PRRX2: variants seen among roughly 807,000 people sequenced by gnomAD.
The protein encoded by PRRX2 is paired mesoderm homeobox protein 2.
In PRRX2, 11 loss-of-function variants were observed where a neutral mutation model predicts 18.0. The ratio of observed to expected loss-of-function variants is 0.61; its 90% CI spans 0.39 to 1.01. The LOEUF is 1.01. Among genes scored for constraint, PRRX2 ranks in the 50% least tolerant of loss-of-function variants. PRRX2 has a pLI of 0.01. For synonymous variants in PRRX2, 177 were observed against 154.8 expected (o/e 1.14, Z -1.06); for missense variants, 387 against 351.0 (o/e 1.10, Z -0.82).
chr9:129,718,764 TATTA>T (rs1832747818), intron 1 of PRRX2: 1 of 153,248 alleles, frequency 6.5e-6, no homozygotes, highest in South Asian at 2.1e-4. Context: ...CTTTATGACA[TATTA>T]ATTATTATTA....
chr9:129,722,095 G>A (rs1832800039), intron 3 of PRRX2, 122 bp from the exon 4 acceptor site: 5 of 1,398,558 alleles, frequency 3.6e-6, no homozygotes, highest in Non-Finnish European at 4.8e-6. Flanking sequence ...CCCCAGTCCT[G>A]GGTGAAGGCT....
At chr9:129,692,633 T>C (rs995273153) in intron 1 of PRRX2, among the ~76,000 whole-genome samples, 2 of 152,234 alleles carry the variant, frequency 1.3e-5, no homozygotes, top group Admixed American at 1.3e-4. Flanking sequence ...CAGAACGTCA[T>C]GTGGTTGGAA....
In PRRX2 at chr9:129,709,906, A is replaced by G. The variant is rs1374886412; in HGVS notation, c.260-9325A>G. 6.6e-6 allele frequency among the ~76,000 whole-genome samples: 1 copy of G among 151,904 alleles called. No individual in the cohort carries two copies. The highest frequency in any genetic ancestry group is 1.5e-5 in the Non-Finnish European group (1 of 67,986). The stretch of plus-strand genomic sequence containing the variant: ...CCTTCCCATGCCTCCCCTTCACTCA[A>G]CACTCAGCACTCAACACAGATTGAT... On this transcript the variant is annotated intron_variant, in intron 1 of 3. Transcript: ENST00000372469. This position sits in a 1 kb window ranked among gnomAD's most constrained non-coding sequence, Gnocchi z 4.2.
intron 1 of PRRX2, among the ~76,000 whole-genome samples, chr9:129,704,746 G>A (rs1261228284): frequency 2.0e-5 from 3 of 152,158 alleles, no homozygotes; most frequent in South Asian, 2.1e-4. Flanking sequence ...TCCTCGAGAC[G>A]ACAAGAATGA....
rs755148148 is a variant in PRRX2, at chr9:129,720,558, C to G, written c.448-38C>G. 12 of 1,552,298 alleles carry G rather than the reference C, an allele frequency of 7.7e-6. No individual in the cohort carries two copies. The South Asian group carries it at 1.1e-4, about 14-fold the overall frequency. Reference sequence around the variant, plus strand: ...AGGTCCAGAAGGACTTGGGTCCCCCCTGCCCATGCTGCACCCTGCTCACCC... The same window carrying G: ...AGGTCCAGAAGGACTTGGGTCCCCCGTGCCCATGCTGCACCCTGCTCACCC... On this transcript the variant is annotated intron_variant, in intron 2 of 3. Coordinates refer to ENST00000372469, the MANE Select transcript of PRRX2 (RefSeq NM_016307.4).
At chr9:129,720,811 G>A (rs1414099676) in intron 3 of PRRX2, 37 bp downstream of exon 3, 2 of 1,500,312 alleles carry the variant, frequency 1.3e-6, no homozygotes, top group African/African-American at 1.4e-5. Context: ...GGAAGGGGCA[G>A]CTCGAGGAAT....
intron 1 of PRRX2, among the ~76,000 whole-genome samples, chr9:129,717,695 C>CAAAAAAAAAAA (rs568330077): frequency 1.2e-5 from 1 of 82,522 alleles, no homozygotes; most frequent in Admixed American, 1.5e-4. Flanking sequence ...GACTCCGCCT[C>CAAAAAAAAAAA]AAAAAAAAAA....
Position 129,709,853 on chromosome 9 carries a change from G to A in PRRX2, c.260-9378G>A, listed in dbSNP as rs750661346. Among the ~76,000 whole-genome samples the A allele has an allele frequency of 2.0e-5, 3 of 150,848 alleles. No individual in the cohort carries two copies. Among genetic ancestry groups the A allele is most frequent in the Non-Finnish European group, 4.4e-5 (3 of 67,756 alleles). ...GGGAGGAACCTAGACCCCTGCACAG[G>A]AGGGCGGGCTCTGCAGGCTCACCCG... On this transcript the variant is annotated intron_variant, in intron 1 of 3. Transcript: ENST00000372469. The surrounding 1 kb of genome is among the most constrained non-coding windows in gnomAD (Gnocchi z 4.2).
In PRRX2 at chr9:129,722,599, A is replaced by T. The variant is rs1291510926; in HGVS notation, c.*247A>T. The T allele has an allele frequency of 2.6e-6, 1 of 389,422 alleles. No individual in the cohort carries two copies. The highest frequency in any genetic ancestry group is 2.1e-5 in the African/African-American group (1 of 48,418). 24.1% of individuals were successfully genotyped at this position (389,422 alleles called of 1,614,324 possible). A position where few individuals can be genotyped will look rare whatever the true frequency, so the allele number is the denominator to read the frequency against. Reference sequence around the variant, plus strand: ...CGGAAGGTGGAAGAGCCTGCCAAGGACCTCATTTAGTTTGTGTATTAAAAC... The same window carrying T: ...CGGAAGGTGGAAGAGCCTGCCAAGGTCCTCATTTAGTTTGTGTATTAAAAC... On this transcript the variant is annotated 3_prime_UTR_variant, in exon 4 of 4. Transcript: ENST00000372469.
At chr9:129,681,681 G>A (rs139556997) in intron 1 of PRRX2, among the ~76,000 whole-genome samples, 611 of 142,034 alleles carry the variant, frequency 4.3e-3, no homozygotes, top group African/African-American at 5.1e-3. Context: ...CCCTAAACCC[G>A]CCCTCCCTCC....
intron 1 of PRRX2, among the ~76,000 whole-genome samples, chr9:129,668,523 ACC>A (rs1220228649): frequency 1.3e-5 from 2 of 152,020 alleles, no homozygotes; most frequent in Non-Finnish European, 2.9e-5. Flanking sequence ...CACACCTGTA[ACC>A]CCAGTGCTTT....
chr9:129,697,383 G>GGGC (rs955203784), intron 1 of PRRX2, among the ~76,000 whole-genome samples: 2 of 151,862 alleles, frequency 1.3e-5, no homozygotes, highest in Non-Finnish European at 2.9e-5. Context: ...CGGAGCAGCT[G>GGGC]GGCGGCGGCG....
intron 1 of PRRX2, chr9:129,713,138 C>T (rs926116034): frequency 1.3e-5 from 2 of 152,276 alleles, no homozygotes; most frequent in Non-Finnish European, 2.9e-5. Context: ...GTCCTCCTCC[C>T]CGTCCGCGTT....
chr9:129,702,023 C>CCCGGGAGGCAGAGGCTG (rs1296610462), intron 1 of PRRX2, among the ~76,000 whole-genome samples: 1 of 152,064 alleles, frequency 6.6e-6, no homozygotes, highest in Admixed American at 6.6e-5. Context: ...ATCGCTTGAA[C>CCCGGGAGGCAGAGGCTG]CCGGGAGGCA....
intron 1 of PRRX2, among the ~76,000 whole-genome samples, chr9:129,678,582 G>A (rs1398471519): frequency 6.6e-6 from 1 of 152,144 alleles, no homozygotes; most frequent in Non-Finnish European, 1.5e-5. Context: ...GGTCAGGGAG[G>A]GCACGCCGGG....
chr9:129,698,504 C>G (rs1832457588), intron 1 of PRRX2, among the ~76,000 whole-genome samples: 1 of 152,116 alleles, frequency 6.6e-6, no homozygotes, highest in Admixed American at 6.5e-5. Context: ...GCGGGTTTTT[C>G]CCGCCACGCC....
rs1461408454 is a variant in PRRX2 at position 129,671,085 on chromosome 9, G to C, written c.259+4959G>C. Reference sequence around the variant, plus strand: ...GTTGGGAGGCCCTCCCGACTGAGATGATTTGACTCAGGCTTAGGAACCCCA... The same window carrying C: ...GTTGGGAGGCCCTCCCGACTGAGATCATTTGACTCAGGCTTAGGAACCCCA... On this transcript the variant is annotated intron_variant, in intron 1 of 3. Coordinates refer to ENST00000372469, the MANE Select transcript of PRRX2 (RefSeq NM_016307.4). The surrounding 1 kb of genome is among the most constrained non-coding windows in gnomAD (Gnocchi z 4.0). Among the ~76,000 whole-genome samples the C allele has an allele frequency of 6.6e-6, 1 of 152,218 alleles. No homozygotes were observed. The highest frequency in any genetic ancestry group is 1.5e-5 in the Non-Finnish European group (1 of 68,038).
intron 1 of PRRX2, among the ~76,000 whole-genome samples, chr9:129,696,176 A>G (rs1422233892): frequency 6.6e-6 from 1 of 152,186 alleles, no homozygotes; most frequent in Admixed American, 6.5e-5. Context: ...TAAGACTCAG[A>G]TGTATTATCA....
At chr9:129,719,039 G>A (rs1588177418) in intron 1 of PRRX2, among the ~76,000 whole-genome samples, 192 bp from the exon 2 acceptor site, 1 of 152,224 alleles carries the variant, frequency 6.6e-6, no homozygotes, top group Non-Finnish European at 1.5e-5. Context: ...CCACACAGGT[G>A]CTCAGTAAAT....
Sources: gnomAD v4.1 joint callset for allele counts (sites outside exome capture counted in the v4.1 genomes callset) on GRCh38, gnomAD v4.1.1 for gene constraint, Gnocchi (gnomAD v3.1) non-coding constraint, MANE v1.5 for transcripts, NCBI Gene and HGNC (gene_info 2026-07-23, HGNC 2026-07-21) for gene names.